Variants in COL23A1 observed in about 807,000 individuals in gnomAD.
COL23A1 encodes the protein collagen alpha-1(XXIII) chain.
COL23A1 carries 97 observed loss-of-function variants against 99.3 expected under a neutral mutation model. The observed-to-expected ratio is 0.98, with a 90% CI of 0.83 to 1.16. The LOEUF is 1.16. Among genes scored for constraint, COL23A1 ranks in the 50% most tolerant of loss-of-function variants. COL23A1 has a pLI of 0.00. For missense variants in COL23A1, 762 were observed against 757.4 expected (o/e 1.01, Z -0.07); for synonymous variants, 320 against 308.2 (o/e 1.04, Z -0.40).
At chr5:178,508,017 TC>T (rs1344118215) in intron 2 of COL23A1, among the ~76,000 whole-genome samples, 29 of 18,908 alleles carry the variant, frequency 1.5e-3, no homozygotes, top group East Asian at 0.012. Flanking sequence ...TTTTATTTTT[TC>T]TTCTTCTTCT....
In COL23A1 at chr5:178,255,540, C is replaced by T. The variant is rs936792321; in HGVS notation, c.883-514G>A. On this transcript the variant is annotated intron_variant, in intron 15 of 28. Coordinates refer to ENST00000390654, the MANE Select transcript of COL23A1 (RefSeq NM_173465.4). The surrounding 1 kb of genome is among the most constrained non-coding windows in gnomAD (Gnocchi z 4.2). ...TGCACACTCATTGTGCACACTCACA[C>T]GTGCACGCATGGCTGCTGGCCAGCC... Among the ~76,000 whole-genome samples, 11 of 152,114 alleles carry T rather than the reference C, an allele frequency of 7.2e-5. No homozygotes were observed. The highest frequency in any genetic ancestry group is 1.3e-4 in the Admixed American group (2 of 15,274).
In COL23A1 at chr5:178,241,894, A is replaced by T. The variant is rs184640957; in HGVS notation, c.1581+148T>A. 220 of 633,628 alleles carry T rather than the reference A, an allele frequency of 3.5e-4. 1 individual carries two copies. Among genetic ancestry groups the T allele is most frequent in the Middle Eastern group, 2.1e-3 (8 of 3,786 alleles). 39.3% of individuals were successfully genotyped at this position (633,628 alleles called of 1,614,324 possible). ...GAACCGCGATGATGGCAGTAGCAGC[A>T]GCAGTGGCCCTGACAGTGAGGAAGG... On this transcript the variant is annotated intron_variant, in intron 27 of 28. Coordinates refer to ENST00000390654, the MANE Select transcript of COL23A1 (RefSeq NM_173465.4).
chr5:178,243,280 G>A (rs1178540130), intron 25 of COL23A1, among the ~76,000 whole-genome samples: 1 of 151,946 alleles, frequency 6.6e-6, no homozygotes, highest in Non-Finnish European at 1.5e-5. Context: ...TTGAGCTCAG[G>A]AGTTCAAGAC....
intron 2 of COL23A1, chr5:178,523,826 C>T (rs1357404627): frequency 6.6e-6 from 1 of 152,230 alleles, no homozygotes; most frequent in Non-Finnish European, 1.5e-5. Context: ...AGAATCACTG[C>T]TGGGACGCAG....
chr5:178,490,209 A>C (rs1260226437), intron 2 of COL23A1, among the ~76,000 whole-genome samples: 1 of 152,078 alleles, frequency 6.6e-6, no homozygotes, highest in Non-Finnish European at 1.5e-5. Context: ...CTGGGCAACA[A>C]GAGTGAAATT....
At chr5:178,350,336 G>A (rs1443526871) in intron 2 of COL23A1, among the ~76,000 whole-genome samples, 1 of 152,126 alleles carries the variant, frequency 6.6e-6, no homozygotes, top group East Asian at 1.9e-4. Flanking sequence ...AGCTCTTTTA[G>A]GGTCCCAGCA....
At chr5:178,356,891 T>C (rs1299307485) in intron 2 of COL23A1, among the ~76,000 whole-genome samples, 2 of 151,622 alleles carry the variant, frequency 1.3e-5, no homozygotes, top group African/African-American at 4.9e-5. Flanking sequence ...GCACTGAGCC[T>C]CTCCAACCCA....
chr5:178,359,248 G>A (rs2127699710), intron 2 of COL23A1, among the ~76,000 whole-genome samples: 1 of 152,366 alleles, frequency 6.6e-6, no homozygotes, highest in East Asian at 1.9e-4. Flanking sequence ...AGGGGGCTGG[G>A]TGCAGTGGCT....
chr5:178,467,880 T>C (rs1581444524), intron 2 of COL23A1, among the ~76,000 whole-genome samples: 1 of 151,578 alleles, frequency 6.6e-6, no homozygotes, highest in African/African-American at 2.4e-5. Flanking sequence ...CAGGCTGGAG[T>C]CCGAGGCCTG....
At chr5:178,242,782 C>T (rs567024932) in intron 25 of COL23A1, among the ~76,000 whole-genome samples, 1 of 152,294 alleles carries the variant, frequency 6.6e-6, no homozygotes, top group South Asian at 2.1e-4. Context: ...CTGTTCTGTG[C>T]CCTTGGCTCA....
chr5:178,342,084 A>T (rs1309800816), intron 2 of COL23A1, among the ~76,000 whole-genome samples: 1 of 152,122 alleles, frequency 6.6e-6, no homozygotes, highest in East Asian at 1.9e-4. Context: ...CTGTGTTATC[A>T]TCTCCTCAGT....
chr5:178,487,288 T>TTTTTTTTATTTATTTATTTA (rs773272887), intron 2 of COL23A1, among the ~76,000 whole-genome samples: 3 of 116,458 alleles, frequency 2.6e-5, no homozygotes, highest in East Asian at 2.3e-4. Context: ...CCAGCCTCAG[T>TTTTTTTTATTTATTTATTTA]TTTATTTATT....
chr5:178,528,827 C>A (rs1760476553), intron 2 of COL23A1, among the ~76,000 whole-genome samples: 1 of 152,154 alleles, frequency 6.6e-6, no homozygotes, highest in Non-Finnish European at 1.5e-5. Context: ...ACAAGTGAGT[C>A]CATCCCTCAA....
At chr5:178,326,312 A>G (rs1759654129) in intron 2 of COL23A1, among the ~76,000 whole-genome samples, 1 of 152,084 alleles carries the variant, frequency 6.6e-6, no homozygotes, top group Admixed American at 6.6e-5. Context: ...CCCTAAACAC[A>G]GCTCTGACTG....
At position 178,384,412 on chromosome 5, in the gene COL23A1, C is replaced by T. The variant is rs1407998621; in HGVS notation, c.362-77493G>A. Among the ~76,000 whole-genome samples, 3 of 152,228 alleles carry T rather than the reference C, an allele frequency of 2.0e-5. No homozygotes were observed. Among genetic ancestry groups the T allele is most frequent in the Non-Finnish European group, 4.4e-5 (3 of 68,046 alleles). ...TCAGGAAAGCCCGGGGCTGTTCATC[C>T]GGGTAGTAAACCAGGCTTCGGCTTT... On this transcript the variant is annotated intron_variant, in intron 2 of 28. Transcript: ENST00000390654. This position sits in a 1 kb window ranked among gnomAD's most constrained non-coding sequence, Gnocchi z 5.5.
intron 2 of COL23A1, among the ~76,000 whole-genome samples, chr5:178,407,351 G>A (rs6872182): frequency 7.9e-5 from 12 of 152,284 alleles, no homozygotes; most frequent in African/African-American, 1.7e-4. Flanking sequence ...GCATGGTGTC[G>A]GAGGGGGCCA....
chr5:178,519,698 A>G (rs1327458708), intron 2 of COL23A1, among the ~76,000 whole-genome samples: 1 of 152,226 alleles, frequency 6.6e-6, no homozygotes, highest in East Asian at 1.9e-4. Flanking sequence ...GCTGCCCATC[A>G]CTGTATCTAA....
chr5:178,372,712 A>T (rs1322769953), intron 2 of COL23A1, among the ~76,000 whole-genome samples: 6 of 151,984 alleles, frequency 3.9e-5, no homozygotes, highest in Admixed American at 3.9e-4. Flanking sequence ...AGCTGGGACC[A>T]CAGGCACCCA....
intron 1 of COL23A1, among the ~76,000 whole-genome samples, chr5:178,574,636 T>C (rs1763262140): frequency 6.6e-6 from 1 of 152,180 alleles, no homozygotes; most frequent in Non-Finnish European, 1.5e-5. Context: ...CCCACAAATA[T>C]ACACACTGTG....
Sources: allele counts gnomAD v4.1 joint callset (sites outside exome capture counted in the v4.1 genomes callset), GRCh38; gene constraint gnomAD v4.1.1; non-coding constraint Gnocchi (gnomAD v3.1); transcripts MANE v1.5; gene names NCBI Gene and HGNC (gene_info 2026-07-23, HGNC 2026-07-21).